The following DPYSL3 variants were observed in gnomAD, a reference collection of about 807,000 sequenced individuals.
DPYSL3 encodes dihydropyrimidinase-related protein 3.
A neutral mutation model predicts 66.1 loss-of-function variants in DPYSL3; 16 were observed. The observed-to-expected ratio is 0.24, with a 90% CI of 0.16 to 0.37. The LOEUF is 0.37. Ranked by LOEUF, DPYSL3 falls within the 10% of genes least tolerant of loss-of-function variation. DPYSL3 has a pLI of 1.00. For synonymous variants in DPYSL3, 338 were observed against 345.1 expected, an observed-to-expected ratio of 0.98 and a Z score of 0.23; for missense variants, 738 against 916.2, an observed-to-expected ratio of 0.81 and a Z score of 2.51.
intron 1 of DPYSL3, among the ~76,000 whole-genome samples, chr5:147,466,464 A>G (rs1480338247): frequency 6.6e-6 from 1 of 152,190 alleles, no homozygotes; most frequent in Non-Finnish European, 1.5e-5. Context: ...TGAGCCCTAA[A>G]TCACAAGACT....
Position 147,394,085 on chromosome 5 carries a change from G to T in DPYSL3, c.2005C>A (p.Arg669Ser). 1 of 1,614,126 alleles carries T rather than the reference G, an allele frequency of 6.2e-7. No individual in the cohort carries two copies. Among genetic ancestry groups the T allele is most frequent in the Non-Finnish European group, 8.5e-7 (1 of 1,180,018 alleles). ...CGGCCGCCTGGGGGCGCCACGATGCGCTTGCTGGCTGAGCGAACCCCCTCA... is the reference window on the plus strand; with the variant it reads ...CGGCCGCCTGGGGGCGCCACGATGCTCTTGCTGGCTGAGCGAACCCCCTCA... Reference protein sequence around the residue: ...VDEGVRSASKRIVAPPGGRSN... With the variant: ...VDEGVRSASKSIVAPPGGRSN... The change falls in exon 14 of 14, where the codon CGC (arginine) becomes AGC (serine). Residue 669 changes from arginine (R) to serine (S), a missense_variant. Transcript: ENST00000343218.
chr5:147,404,835 C>G (rs1758288729), intron 8 of DPYSL3, among the ~76,000 whole-genome samples: 1 of 152,158 alleles, frequency 6.6e-6, no homozygotes. Flanking sequence ...TCAACCCCTT[C>G]TCTAAAATAA....
intron 8 of DPYSL3, among the ~76,000 whole-genome samples, chr5:147,403,025 C>T (rs11952440): frequency 0.08 from 12,155 of 152,148 alleles, 1,510 homozygotes; most frequent in African/African-American, 0.27. Flanking sequence ...TGGCCAGGAT[C>T]ACAAATAGAT....
intron 1 of DPYSL3, among the ~76,000 whole-genome samples, chr5:147,438,892 C>T (rs937006480): frequency 6.6e-6 from 1 of 152,170 alleles, no homozygotes; most frequent in African/African-American, 2.4e-5. Flanking sequence ...CCCCTGTTGC[C>T]CCAAGTCTTC....
intron 1 of DPYSL3, among the ~76,000 whole-genome samples, chr5:147,494,613 C>T (rs904239583): frequency 4.0e-5 from 6 of 151,338 alleles, no homozygotes; most frequent in African/African-American, 1.5e-4. Context: ...CACCTGTAAT[C>T]CCAGCACTTT....
intron 1 of DPYSL3, among the ~76,000 whole-genome samples, chr5:147,492,294 A>G (rs1264121416): frequency 6.6e-6 from 1 of 152,156 alleles, no homozygotes; most frequent in African/African-American, 2.4e-5. Context: ...TTCTTCAGAG[A>G]AAAGGAAAAT....
At chr5:147,396,693 C>A (rs1276094970) in intron 12 of DPYSL3, among the ~76,000 whole-genome samples, 2 of 152,068 alleles carry the variant, frequency 1.3e-5, no homozygotes, top group African/African-American at 2.4e-5. Context: ...TCAACACTTC[C>A]CTGGTTTCAG....
At chr5:147,462,455 T>C (rs116625079) in intron 1 of DPYSL3, among the ~76,000 whole-genome samples, 3,978 of 152,252 alleles carry the variant, frequency 0.026, 215 homozygotes, top group African/African-American at 0.09. Context: ...GTAACGCACA[T>C]GAACTCTTAT....
chr5:147,429,775 C>T (rs991486292), intron 1 of DPYSL3, among the ~76,000 whole-genome samples: 1 of 152,088 alleles, frequency 6.6e-6, no homozygotes, highest in African/African-American at 2.4e-5. Flanking sequence ...ACAAGCAGCT[C>T]TTTCTGACAG....
intron 1 of DPYSL3, chr5:147,453,898 G>A (rs2126400337): frequency 2.3e-6 from 1 of 441,468 alleles, no homozygotes; most frequent in Non-Finnish European, 3.7e-6. Context: ...GACAAGAATG[G>A]CTGATCTGCG....
chr5:147,503,418 T>C (rs1753642907), intron 1 of DPYSL3, among the ~76,000 whole-genome samples: 1 of 152,196 alleles, frequency 6.6e-6, no homozygotes, highest in Non-Finnish European at 1.5e-5. Context: ...CTCAGCCTCC[T>C]GGGTAGCTGG....
At position 147,408,715 on chromosome 5, in the gene DPYSL3, C is replaced by G. The variant is rs759301960; in HGVS notation, c.1032+13G>C. ...CATGCGTTGTGTGTGCACCTTCATC[C>G]CCTGTAACTTACCTCTTCTGGCCTG... On this transcript the variant is annotated intron_variant, in intron 7 of 13. Transcript: ENST00000343218. 1 of 1,613,528 alleles carries G rather than the reference C, an allele frequency of 6.2e-7. No homozygotes were observed. Among genetic ancestry groups the G allele is most frequent in the South Asian group, 1.1e-5 (1 of 91,004 alleles).
chr5:147,401,878 A>C (rs1252777048), intron 8 of DPYSL3, 182 bp from the exon 9 acceptor site: 1 of 562,700 alleles, frequency 1.8e-6, no homozygotes, highest in African/African-American at 2.0e-5. Context: ...AATGTGACCA[A>C]GTTTGTATTC....
chr5:147,489,845 G>A (rs180817482), intron 1 of DPYSL3, among the ~76,000 whole-genome samples: 40 of 151,812 alleles, frequency 2.6e-4, no homozygotes, highest in African/African-American at 8.9e-4. Flanking sequence ...AAAAGTTACC[G>A]ATGGATACAA....
rs571865770 is a variant in DPYSL3, at chr5:147,473,706, G to T, written c.381+35772C>A. 6.6e-5 allele frequency among the ~76,000 whole-genome samples: 10 copies of T among 152,176 alleles called. 1 individual carries two copies. In the South Asian group the frequency reaches 2.1e-3, roughly 32 times the overall value. ...CTTCACTTCTTGCTGAGCTCTTCTG[G>T]CAATGGACTTTTCCACCAATGGGTT... On this transcript the variant is annotated intron_variant, in intron 1 of 13. Coordinates refer to ENST00000343218, the MANE Select transcript of DPYSL3 (RefSeq NM_001197294.2).
chr5:147,510,032 A>G lies in DPYSL3; in HGVS notation c.-174T>C. 1 of 1,130,756 alleles carries G rather than the reference A, an allele frequency of 8.8e-7. No homozygotes were observed. The highest frequency in any genetic ancestry group is 1.2e-6 in the Non-Finnish European group (1 of 833,388). 70.0% of individuals were successfully genotyped at this position (1,130,756 alleles called of 1,614,324 possible). A position where few individuals can be genotyped will look rare whatever the true frequency, so the allele number is the denominator to read the frequency against. ...CTTGTCCCTAGCGAGCCAGCGAGCC[A>G]CACAGCCAGCTAGCGCGCGGAGCAG... is the stretch of plus-strand genomic sequence containing the variant. On this transcript the variant is annotated 5_prime_UTR_variant, in exon 1 of 14. Coordinates refer to ENST00000343218, the MANE Select transcript of DPYSL3 (RefSeq NM_001197294.2).
intron 1 of DPYSL3, among the ~76,000 whole-genome samples, chr5:147,438,448 C>A (rs1252018682): frequency 6.6e-6 from 1 of 152,220 alleles, no homozygotes; most frequent in African/African-American, 2.4e-5. Flanking sequence ...CAAAAGGTTT[C>A]TTCGCCTTCA....
intron 1 of DPYSL3, among the ~76,000 whole-genome samples, chr5:147,495,331 C>A (rs1753483574): frequency 6.6e-6 from 1 of 152,158 alleles, no homozygotes; most frequent in Non-Finnish European, 1.5e-5. Context: ...CCTTTGAAAA[C>A]TGACACAAGA....
intron 1 of DPYSL3, among the ~76,000 whole-genome samples, chr5:147,505,514 G>A (rs368012892): frequency 9.2e-5 from 14 of 152,284 alleles, no homozygotes; most frequent in African/African-American, 3.4e-4. Flanking sequence ...GAGATTACAG[G>A]CGTGAGCCAC....
Sources: gnomAD v4.1 joint callset for allele counts (sites outside exome capture counted in the v4.1 genomes callset) on GRCh38, gnomAD v4.1.1 for gene constraint, MANE v1.5 for transcripts, NCBI Gene and HGNC (gene_info 2026-07-23, HGNC 2026-07-21) for gene names.